The following ZFHX4 variants were observed in gnomAD, a reference collection of about 807,000 sequenced individuals.
ZFHX4 encodes zinc finger homeobox protein 4.
In ZFHX4, 56 loss-of-function variants were observed where a neutral mutation model predicts 267.6. That is an observed-to-expected ratio of 0.21 (90% CI 0.17 to 0.26). The LOEUF is 0.26. ZFHX4 is among the 10% of genes least tolerant of loss of function. The pLI is 1.00. For missense variants in ZFHX4, 4,332 were observed against 4,420.0 expected (o/e 0.98, Z 0.56); for synonymous variants, 1,778 against 1,665.6 (o/e 1.07, Z -1.64).
intron 3 of ZFHX4, among the ~76,000 whole-genome samples, chr8:76,719,129 A>G (rs1443256708): frequency 3.4e-5 from 5 of 147,872 alleles, no homozygotes; most frequent in South Asian, 4.3e-4. Flanking sequence ...TTTTTGTCCA[A>G]ACTTCCTTGG....
At chr8:76,806,833 T>G (rs754411792) in intron 4 of ZFHX4, among the ~76,000 whole-genome samples, 71 of 152,200 alleles carry the variant, frequency 4.7e-4, no homozygotes, top group Non-Finnish European at 8.8e-4. Flanking sequence ...TAAAGATGCC[T>G]TTTTCACCTC....
intron 1 of ZFHX4, among the ~76,000 whole-genome samples, chr8:76,697,807 A>C (rs1865294): frequency 6.6e-6 from 1 of 151,738 alleles, no homozygotes; most frequent in African/African-American, 2.4e-5. Context: ...TATTTTTTTA[A>C]GGAAGAAAAA....
rs545236176 is a variant in ZFHX4 at position 76,795,323 on chromosome 8, G to A, written c.3325+16884G>A. 3.3e-5 allele frequency among the ~76,000 whole-genome samples: 5 copies of A among 152,188 alleles called. No individual in the cohort carries two copies. In the South Asian group the frequency reaches 1.0e-3, roughly 32 times the overall value. ...GGATCTCACTCTGTAGCCTAGGCTA[G>A]AGTGCAGTGGCATAAACATGGCTCA... is the stretch of plus-strand genomic sequence containing the variant. On this transcript the variant is annotated intron_variant, in intron 4 of 10. Transcript: ENST00000651372.
chr8:76,773,994 C>T (rs1208211192), intron 3 of ZFHX4, among the ~76,000 whole-genome samples: 1 of 152,100 alleles, frequency 6.6e-6, no homozygotes, highest in Non-Finnish European at 1.5e-5. Context: ...TCCAAAGTGG[C>T]CCACTTTTGG....
intron 6 of ZFHX4, among the ~76,000 whole-genome samples, chr8:76,845,291 A>T (rs1038997775): frequency 3.9e-5 from 6 of 152,104 alleles, no homozygotes; most frequent in Non-Finnish European, 8.8e-5. Context: ...GCCACTTTAG[A>T]TTAATTATAA....
At chr8:76,778,484 C>G (rs898836918) in intron 4 of ZFHX4, 45 bp downstream of exon 4, 1 of 1,385,666 alleles carries the variant, frequency 7.2e-7, no homozygotes, top group African/African-American at 1.4e-5. Flanking sequence ...CCCTCCACAC[C>G]ACTTCATCAC....
intron 4 of ZFHX4, among the ~76,000 whole-genome samples, chr8:76,832,324 A>T (rs1811957798): frequency 6.6e-6 from 1 of 151,902 alleles, no homozygotes; most frequent in South Asian, 2.1e-4. Context: ...TAGTTGTATT[A>T]TTTTCTATTA....
chr8:76,850,865 G>A (rs1412062526), intron 9 of ZFHX4, 21 bp from the exon 10 acceptor site: 3 of 1,546,210 alleles, frequency 1.9e-6, no homozygotes, highest in South Asian at 2.5e-5. Context: ...TAAGAGAGAT[G>A]TTTGTGCTTT....
chr8:76,711,146 T>G (rs940590773), intron 3 of ZFHX4, among the ~76,000 whole-genome samples: 3 of 152,164 alleles, frequency 2.0e-5, no homozygotes, highest in African/African-American at 7.2e-5. Flanking sequence ...TGCCTATTGC[T>G]AATGATGACT....
chr8:76,804,235 T>C (rs1811191429), intron 4 of ZFHX4, among the ~76,000 whole-genome samples: 1 of 152,230 alleles, frequency 6.6e-6, no homozygotes, highest in East Asian at 1.9e-4. Flanking sequence ...AATCAAGGCT[T>C]TTCCACCGTA....
intron 3 of ZFHX4, among the ~76,000 whole-genome samples, chr8:76,716,475 G>C (rs1167102965): frequency 6.6e-6 from 1 of 152,100 alleles, no homozygotes; most frequent in Non-Finnish European, 1.5e-5. Flanking sequence ...CACCTTGCTT[G>C]AGTCCTTATA....
intron 5 of ZFHX4, among the ~76,000 whole-genome samples, chr8:76,837,344 A>C (rs996665789): frequency 6.6e-6 from 1 of 152,118 alleles, no homozygotes; most frequent in African/African-American, 2.4e-5. Flanking sequence ...CGGTCGAGCA[A>C]AGGAAGTGAA....
chr8:76,696,114 T>A (rs1289289990), intron 1 of ZFHX4, among the ~76,000 whole-genome samples: 1 of 152,198 alleles, frequency 6.6e-6, no homozygotes, highest in Non-Finnish European at 1.5e-5. Flanking sequence ...TTCTCCACAC[T>A]GATATTTTGC....
intron 3 of ZFHX4, among the ~76,000 whole-genome samples, chr8:76,776,654 GT>G (rs1048378209): frequency 3.3e-5 from 5 of 152,176 alleles, no homozygotes; most frequent in Non-Finnish European, 7.3e-5. Context: ...TTCAGAATTT[GT>G]TTTTGCAGGT....
At chr8:76,700,235 A>G (rs1185172428) in intron 1 of ZFHX4, among the ~76,000 whole-genome samples, 2 of 152,136 alleles carry the variant, frequency 1.3e-5, no homozygotes, top group South Asian at 2.1e-4. Context: ...TGAGATGGCT[A>G]AAGGGCAGAT....
At chr8:76,800,637 T>C (rs1355697578) in intron 4 of ZFHX4, among the ~76,000 whole-genome samples, 1 of 152,208 alleles carries the variant, frequency 6.6e-6, no homozygotes, top group Non-Finnish European at 1.5e-5. Context: ...TAATTGCTTC[T>C]TGTGCTCCTT....
At position 76,706,517 on chromosome 8, in the gene ZFHX4, A is replaced by G. The variant is rs1197459359; in HGVS notation, c.2429A>G (p.His810Arg). The change falls in exon 2 of 11, where the codon CAC becomes CGC. Residue 810 changes from histidine (H) to arginine (R), a missense_variant. Coordinates refer to ENST00000651372, the MANE Select transcript of ZFHX4 (RefSeq NM_024721.5). Reference protein sequence around the residue: ...QNMKQIQHNLHLGLAPAEAEL... With the variant: ...QNMKQIQHNLRLGLAPAEAEL... ...ATGAAGCAGATCCAGCATAATCTGC[A>G]CTTGGGCCTCGCCCCGGCGGAAGCA... 8 of 1,613,658 alleles carry G rather than the reference A, an allele frequency of 5.0e-6. No individual in the cohort carries two copies. Among genetic ancestry groups the G allele is most frequent in the Non-Finnish European group, 6.8e-6 (8 of 1,179,798 alleles).
At chr8:76,686,396 G>A (rs528280724) in intron 1 of ZFHX4, among the ~76,000 whole-genome samples, 3 of 152,058 alleles carry the variant, frequency 2.0e-5, no homozygotes, top group Non-Finnish European at 4.4e-5. Context: ...TGGTGGCCAC[G>A]CTTCTGCTTA....
intron 1 of ZFHX4, among the ~76,000 whole-genome samples, chr8:76,694,067 G>A (rs913072587): frequency 6.6e-6 from 1 of 152,162 alleles, no homozygotes; most frequent in Non-Finnish European, 1.5e-5. Context: ...TTATGCTAGA[G>A]TTGACTCTGA....
Sources: gnomAD v4.1 joint callset for allele counts (sites outside exome capture counted in the v4.1 genomes callset) on GRCh38, gnomAD v4.1.1 for gene constraint, MANE v1.5 for transcripts, NCBI Gene and HGNC (gene_info 2026-07-23, HGNC 2026-07-21) for gene names.